ITK: variants seen among roughly 807,000 people sequenced by gnomAD.
ITK encodes the protein tyrosine-protein kinase ITK/TSK.
A neutral mutation model predicts 87.6 loss-of-function variants in ITK; 45 were observed. The ratio of observed to expected loss-of-function variants is 0.51; its 90% CI spans 0.40 to 0.66. ITK has a LOEUF of 0.66. Ranked by LOEUF, ITK falls within the 30% of genes least tolerant of loss-of-function variation. ITK has a pLI of 0.00. For synonymous variants in ITK, 303 were observed against 273.6 expected (o/e 1.11, Z -1.06); for missense variants, 605 against 766.3 (o/e 0.79, Z 2.48).
chr5:157,183,386 T>C (rs1232187011), intron 1 of ITK, among the ~76,000 whole-genome samples: 2 of 152,216 alleles, frequency 1.3e-5, no homozygotes, highest in Non-Finnish European at 2.9e-5. Context: ...CATAGGAAGA[T>C]GGCAAAGACT....
chr5:157,239,983 G>A, intron 9 of ITK, 79 bp from the exon 10 acceptor site: 2 of 1,373,738 alleles, frequency 1.5e-6, no homozygotes, highest in South Asian at 1.2e-5. Context: ...AAGATAATAA[G>A]AACTTAATAC....
At position 157,253,639 on chromosome 5, in the gene ITK, GATCCTC is replaced by G; in HGVS notation, c.*965_*970del. On this transcript the variant is annotated 3_prime_UTR_variant, in exon 17 of 17. Transcript: ENST00000422843. ...TCAGCCCCCCCTCTCTGCACTATCC[GATCCTC>G]ATCAACAGAGGGCAGCATTGTGTTG... 4.4e-6 allele frequency: 1 copy of G among 227,156 alleles called. No individual in the cohort carries two copies. The allele number at this position is 227,156 out of a possible 1,614,324, so 14.1% of individuals were successfully genotyped here.
intron 1 of ITK, among the ~76,000 whole-genome samples, chr5:157,202,619 T>G (rs1433663596): frequency 6.6e-6 from 1 of 152,224 alleles, no homozygotes; most frequent in Admixed American, 6.5e-5. Context: ...TGCGTCTTTA[T>G]GGTAGAATAG....
At chr5:157,221,245 A>G (rs140022182) in intron 5 of ITK, among the ~76,000 whole-genome samples, 22 of 152,186 alleles carry the variant, frequency 1.4e-4, no homozygotes, top group Non-Finnish European at 2.8e-4. Flanking sequence ...AAAATGTGGT[A>G]TTGGGACTCA....
chr5:157,214,097 C>A, intron 3 of ITK, 94 bp from the exon 4 acceptor site: 1 of 1,002,808 alleles, frequency 1.0e-6, no homozygotes, highest in Non-Finnish European at 1.6e-6. Flanking sequence ...TTCAGGCTCA[C>A]TCAGCCAGGT....
At chr5:157,185,257 T>A (rs78677926) in intron 1 of ITK, among the ~76,000 whole-genome samples, 1 of 151,828 alleles carries the variant, frequency 6.6e-6, no homozygotes, top group Non-Finnish European at 1.5e-5. Flanking sequence ...TTTTTTTTTT[T>A]AGACAGAGTC....
In ITK at chr5:157,228,286, CT is replaced by C; in HGVS notation, c.648-6del. ...TATGTAAGTCTAAACATTAATTTTC[CT>C]TTTAACAGGCATGAAGGATATGTAC... On this transcript the variant is annotated splice_polypyrimidine_tract_variant and intron_variant, in intron 6 of 16. Transcript: ENST00000422843. 6.4e-7 allele frequency: 1 copy of C among 1,564,564 alleles called. No homozygotes were observed. The highest frequency in any genetic ancestry group is 8.8e-7 in the Non-Finnish European group (1 of 1,135,178).
At chr5:157,183,403 T>C (rs974290207) in intron 1 of ITK, among the ~76,000 whole-genome samples, 4 of 152,344 alleles carry the variant, frequency 2.6e-5, no homozygotes, top group African/African-American at 9.6e-5. Context: ...GACTCAGAGG[T>C]ATAATGTCTT....
chr5:157,246,754 G>A (rs1001725660), intron 15 of ITK, among the ~76,000 whole-genome samples: 2 of 152,128 alleles, frequency 1.3e-5, no homozygotes, highest in East Asian at 1.9e-4. Context: ...AAGAGCCAGG[G>A]AACAGTGTCC....
chr5:157,248,969 A>G lies in ITK; in HGVS notation c.1753A>G (p.Thr585Ala), dbSNP rs1190124755. The change falls in exon 16 of 17, where the codon ACA (threonine) becomes GCA (alanine). Residue 585 changes from threonine to alanine, a missense_variant. By Grantham distance (58) the Thr-to-Ala change is moderately conservative (BLOSUM62 0). Coordinates refer to ENST00000422843, the MANE Select transcript of ITK (RefSeq NM_005546.4). ...FRLYKPRLAS[T>A]HVYQIMNHCW... The stretch of plus-strand genomic sequence containing the variant: ...GTTGTACAAGCCCCGGCTGGCCTCC[A>G]CACACGTCTACCAGATTATGAATCA... 1.2e-6 allele frequency: 2 copies of G among 1,613,980 alleles called. No homozygotes were observed. Among genetic ancestry groups the G allele is most frequent in the South Asian group, 2.2e-5 (2 of 91,072 alleles).
In ITK at chr5:157,254,674, C is replaced by T. The variant is rs771262879; in HGVS notation, c.*1996C>T. 3 of 217,590 alleles carry T rather than the reference C, an allele frequency of 1.4e-5. No homozygotes were observed. The highest frequency in any genetic ancestry group is 1.8e-5 in the Non-Finnish European group (2 of 108,426). The allele number at this position is 217,590 out of a possible 1,614,324, so 13.5% of individuals were successfully genotyped here. ...GCTTATCCAAAATTATCTCTGTTTA[C>T]TTTTTAGAATTTTGTACATTATCTT... On this transcript the variant is annotated 3_prime_UTR_variant, in exon 17 of 17. Transcript: ENST00000422843.
chr5:157,213,727 CT>C (rs35462913), intron 3 of ITK: 42 of 343,934 alleles, frequency 1.2e-4, no homozygotes, highest in African/African-American at 6.2e-4. Flanking sequence ...GCAGACCCCC[CT>C]TTTTTTTCCA....
intron 1 of ITK, among the ~76,000 whole-genome samples, chr5:157,188,946 T>A (rs917184766): frequency 6.6e-6 from 1 of 152,186 alleles, no homozygotes; most frequent in Non-Finnish European, 1.5e-5. Flanking sequence ...CATCACAGTA[T>A]CACCATCATC....
chr5:157,227,507 T>G (rs1754556348), intron 6 of ITK, among the ~76,000 whole-genome samples: 1 of 152,168 alleles, frequency 6.6e-6, no homozygotes, highest in Non-Finnish European at 1.5e-5. Flanking sequence ...AAGCTTACAA[T>G]GCCAACTGGT....
chr5:157,223,436 A>C (rs1463068751), intron 6 of ITK, among the ~76,000 whole-genome samples: 4 of 151,852 alleles, frequency 2.6e-5, no homozygotes, highest in African/African-American at 9.7e-5. Context: ...GATGGTACAG[A>C]TTGATAGTTA....
At chr5:157,224,984 A>G (rs1258021984) in intron 6 of ITK, among the ~76,000 whole-genome samples, 1 of 151,926 alleles carries the variant, frequency 6.6e-6, no homozygotes, top group Admixed American at 6.6e-5. Flanking sequence ...ATATATATTT[A>G]TCACATTAGT....
intron 9 of ITK, among the ~76,000 whole-genome samples, chr5:157,238,534 T>C (rs557025685): frequency 6.6e-6 from 1 of 152,354 alleles, no homozygotes; most frequent in Non-Finnish European, 1.5e-5. Context: ...AGCAAAAATA[T>C]ATGAACTCCA....
intron 8 of ITK, among the ~76,000 whole-genome samples, chr5:157,235,127 A>G (rs540562787): frequency 6.6e-6 from 1 of 152,316 alleles, no homozygotes; most frequent in South Asian, 2.1e-4. Context: ...GAATGAATAC[A>G]CTGAAGGCTT....
chr5:157,206,166 G>T (rs951053795), intron 1 of ITK, among the ~76,000 whole-genome samples: 1 of 151,706 alleles, frequency 6.6e-6, no homozygotes, highest in Non-Finnish European at 1.5e-5. Flanking sequence ...CGTTTCCCAG[G>T]CTGGTCTCGA....
Sources: gnomAD v4.1 joint callset for allele counts (sites outside exome capture counted in the v4.1 genomes callset) on GRCh38, gnomAD v4.1.1 for gene constraint, MANE v1.5 for transcripts, NCBI Gene and HGNC (gene_info 2026-07-23, HGNC 2026-07-21) for gene names.